SLC12A1: variants seen among roughly 807,000 people sequenced by gnomAD.
SLC12A1 encodes the protein solute carrier family 12 member 1.
A neutral mutation model predicts 130.4 loss-of-function variants in SLC12A1; 89 were observed. That is an observed-to-expected ratio of 0.68 (90% CI 0.58 to 0.81). SLC12A1 has a LOEUF of 0.81. Among genes scored for constraint, SLC12A1 ranks in the 40% least tolerant of loss-of-function variants. SLC12A1 has a pLI of 0.00. For missense variants in SLC12A1, 1,310 were observed against 1,336.4 expected, an observed-to-expected ratio of 0.98 and a Z score of 0.31; for synonymous variants, 499 against 460.0, an observed-to-expected ratio of 1.08 and a Z score of -1.09.
At chr15:48,269,093 C>T (rs762848711) in intron 18 of SLC12A1, among the ~76,000 whole-genome samples, 9 of 152,128 alleles carry the variant, frequency 5.9e-5, no homozygotes, top group Non-Finnish European at 1.3e-4. Flanking sequence ...TAACTGGAAG[C>T]TGTATGCTGT....
Position 48,285,107 on chromosome 15 carries a change from G to A in SLC12A1, c.2487G>A (p.Glu829=). 6.4e-7 allele frequency: 1 copy of A among 1,572,274 alleles called. No homozygotes were observed. The highest frequency in any genetic ancestry group is 1.9e-5 in the Admixed American group (1 of 53,458). ...FDISQVLQVQ[E]ELERLEQERL... is the part of the protein sequence containing the mutation. Reference sequence around the variant, plus strand: ...GGTGATTTTGTCTTCTTTCATCAGAGGAATTAGAGAGATTAGAACAGGAGA... The same window carrying A: ...GGTGATTTTGTCTTCTTTCATCAGAAGAATTAGAGAGATTAGAACAGGAGA... Residue 829 remains glutamate, a splice_region_variant and synonymous_variant, in exon 21 of 27, where the codon GAG becomes GAA. Coordinates refer to ENST00000380993, the MANE Select transcript of SLC12A1 (RefSeq NM_000338.3).
intron 23 of SLC12A1, among the ~76,000 whole-genome samples, chr15:48,290,117 C>T (rs6493321): frequency 0.33 from 49,642 of 152,010 alleles, 10,431 homozygotes; most frequent in African/African-American, 0.58. Flanking sequence ...CATTTTTCTA[C>T]TTTTTAAACT....
intron 17 of SLC12A1, among the ~76,000 whole-genome samples, chr15:48,267,291 C>T (rs147529096): frequency 6.6e-6 from 1 of 152,144 alleles, no homozygotes; most frequent in Non-Finnish European, 1.5e-5. Flanking sequence ...TGTCATGTTG[C>T]CCTCAACTCT....
At chr15:48,252,456 G>C (rs1425365692) in intron 15 of SLC12A1, among the ~76,000 whole-genome samples, 1 of 152,120 alleles carries the variant, frequency 6.6e-6, no homozygotes, top group African/African-American at 2.4e-5. Context: ...CTGATGTCCT[G>C]ATAAATTAGA....
chr15:48,252,279 A>G (rs890343827), intron 15 of SLC12A1, among the ~76,000 whole-genome samples: 3 of 152,212 alleles, frequency 2.0e-5, no homozygotes, highest in African/African-American at 7.2e-5. Context: ...CACTCATTCA[A>G]TCATCACAAT....
At chr15:48,248,559 G>A (rs1032098046) in intron 13 of SLC12A1, among the ~76,000 whole-genome samples, 5 of 152,340 alleles carry the variant, frequency 3.3e-5, no homozygotes, top group African/African-American at 9.6e-5. Context: ...TGGTATCCAT[G>A]TTCCAGAATC....
In SLC12A1 at chr15:48,208,065, C is replaced by T. The variant is rs1301172656; in HGVS notation, c.346C>T (p.Arg116Cys). ...TGCCGTTCCCAAGATAGAGTACTAT[C>T]GTAACACCGGCAGCATCAGTGGGCC... ...MDAVPKIEYY[R>C]NTGSISGPKV... The change falls in exon 2 of 27, where the codon CGT becomes TGT. Residue 116 changes from arginine (R) to cysteine (C), a missense_variant. Physicochemically the swap from Arg to Cys is radical, Grantham distance 180. Coordinates refer to ENST00000380993, the MANE Select transcript of SLC12A1 (RefSeq NM_000338.3). 1.1e-5 allele frequency: 17 copies of T among 1,613,664 alleles called. No homozygotes were observed. In the East Asian group the frequency reaches 1.3e-4, roughly 13 times the overall value.
chr15:48,255,322 C>G (rs1313536524), intron 15 of SLC12A1, among the ~76,000 whole-genome samples: 1 of 151,740 alleles, frequency 6.6e-6, no homozygotes, highest in Non-Finnish European at 1.5e-5. Context: ...CCTGTAGTCA[C>G]AGCTACTCAG....
intron 9 of SLC12A1, among the ~76,000 whole-genome samples, chr15:48,239,746 G>A (rs1380005316): frequency 2.0e-5 from 3 of 151,354 alleles, no homozygotes; most frequent in African/African-American, 7.3e-5. Context: ...CGCCTCCCAG[G>A]TTCAAGTGAT....
rs1668926875 is a variant in SLC12A1, at chr15:48,234,974, T to C, written c.1185T>C (p.Leu395=). The C allele has an allele frequency of 1.9e-6, 3 of 1,613,976 alleles. No homozygotes were observed. Among genetic ancestry groups the C allele is most frequent in the Non-Finnish European group, 2.5e-6 (3 of 1,179,854 alleles). The change falls in exon 9 of 27, where the codon CTT becomes CTC. Residue 395 remains leucine, a synonymous_variant. Coordinates refer to ENST00000380993, the MANE Select transcript of SLC12A1 (RefSeq NM_000338.3). ...AIFFPAATGI[L]AGANISGDLE... ...TTTTCCCAGCAGCTACTGGGATTCT[T>C]GCTGGTGCCAATATCTCAGGAGATT... is the stretch of plus-strand genomic sequence containing the variant.
At chr15:48,236,889 A>G in intron 9 of SLC12A1, 1 of 546,892 alleles carries the variant, frequency 1.8e-6, no homozygotes, top group African/African-American at 1.9e-5. Context: ...ATTAAAGAAT[A>G]TTGCTCTTTC....
Position 48,230,393 on chromosome 15 carries a change from G to T in SLC12A1, c.865G>T (p.Glu289Ter). The T allele has an allele frequency of 1.2e-6, 2 of 1,600,666 alleles. No homozygotes were observed. Among genetic ancestry groups the T allele is most frequent in the South Asian group, 1.1e-5 (1 of 89,498 alleles). ...FAETVVDLLK[E>*]SDSMMVDPTN... is the part of the protein sequence containing the mutation. ...AGCACTTAATAATTTGTTTCCCCAG[G>T]AGAGTGATTCGATGATGGTGGATCC... is the stretch of plus-strand genomic sequence containing the variant. The change falls in exon 7 of 27, where the codon GAG becomes TAG. Residue 289 changes from glutamate (E) to a stop codon, truncating the protein, a stop_gained and splice_region_variant. Transcript: ENST00000380993. LOFTEE classifies it high-confidence loss of function.
intron 9 of SLC12A1, among the ~76,000 whole-genome samples, chr15:48,235,562 T>A (rs910774068): frequency 4.6e-5 from 7 of 152,042 alleles, no homozygotes; most frequent in African/African-American, 1.7e-4. Flanking sequence ...TCCCAGACAC[T>A]TGGGAGGCTG....
At chr15:48,282,608 A>C (rs79291689) in intron 20 of SLC12A1, among the ~76,000 whole-genome samples, 7,383 of 152,172 alleles carry the variant, frequency 0.049, 192 homozygotes, top group African/African-American at 0.062. Flanking sequence ...AGAAGACAAA[A>C]TAACAGCTAG....
At position 48,251,806 on chromosome 15, in the gene SLC12A1, T is replaced by C. The variant is rs781316672; in HGVS notation, c.1942+36T>C. The C allele has an allele frequency of 8.8e-6, 14 of 1,592,766 alleles. No homozygotes were observed. In the East Asian group the frequency reaches 2.0e-4, roughly 23 times the overall value. On this transcript the variant is annotated intron_variant, in intron 15 of 26. Transcript: ENST00000380993. ...GACTGTCTGGAATAGCGTTTCCAAATCTCTCTCTAACTACTCATTTATTAA... is the reference window on the plus strand; with the variant it reads ...GACTGTCTGGAATAGCGTTTCCAAACCTCTCTCTAACTACTCATTTATTAA...
At chr15:48,275,368 T>G (rs548572321) in intron 20 of SLC12A1, among the ~76,000 whole-genome samples, 5 of 152,284 alleles carry the variant, frequency 3.3e-5, no homozygotes, top group South Asian at 4.1e-4. Flanking sequence ...AGGCATAGTG[T>G]AGGTGCAAGT....
chr15:48,301,502 T>TGCGCG, intron 26 of SLC12A1, 120 bp downstream of exon 26: 1 of 429,450 alleles, frequency 2.3e-6, no homozygotes, highest in Non-Finnish European at 3.7e-6. Flanking sequence ...GTGTTTTTTT[T>TGCGCG]GGGGGGGGGA....
intron 18 of SLC12A1, 127 bp downstream of exon 18, chr15:48,267,828 G>A (rs1597441949): frequency 1.0e-6 from 1 of 985,158 alleles, no homozygotes; most frequent in Non-Finnish European, 1.5e-6. Context: ...GATGGTTAAG[G>A]GATTATTTTG....
chr15:48,256,055 G>A, intron 16 of SLC12A1, 145 bp downstream of exon 16: 1 of 652,280 alleles, frequency 1.5e-6, no homozygotes, highest in Non-Finnish European at 2.8e-6. Flanking sequence ...ACATTTTCAT[G>A]ACAGCACCTC....
Sources: allele counts gnomAD v4.1 joint callset (sites outside exome capture counted in the v4.1 genomes callset), GRCh38; gene constraint gnomAD v4.1.1; transcripts MANE v1.5; gene names NCBI Gene and HGNC (gene_info 2026-07-23, HGNC 2026-07-21).